GLG1: variants seen among roughly 807,000 people sequenced by gnomAD.
GLG1 encodes golgi glycoprotein 1.
GLG1 carries 38 observed loss-of-function variants against 160.5 expected under a neutral mutation model. The ratio of observed to expected loss-of-function variants is 0.24; its 90% CI spans 0.18 to 0.31. The LOEUF (loss-of-function observed/expected upper bound fraction) is 0.31. Ranked by LOEUF, GLG1 falls within the 10% of genes least tolerant of loss-of-function variation. The pLI is 1.00. For missense variants in GLG1, 1,373 were observed against 1,505.2 expected (o/e 0.91, Z 1.45); for synonymous variants, 644 against 543.4 (o/e 1.19, Z -2.57).
intron 1 of GLG1, among the ~76,000 whole-genome samples, chr16:74,551,240 G>T (rs2018189732): frequency 6.6e-6 from 1 of 152,122 alleles, no homozygotes; most frequent in African/African-American, 2.4e-5. Flanking sequence ...TTAGTCCTGA[G>T]CTGGCAAAAT....
intron 1 of GLG1, among the ~76,000 whole-genome samples, chr16:74,545,864 T>C (rs1019312076): frequency 6.6e-6 from 1 of 152,228 alleles, no homozygotes; most frequent in Non-Finnish European, 1.5e-5. Flanking sequence ...ATCAAACTCA[T>C]GTTGATTAAT....
intron 1 of GLG1, among the ~76,000 whole-genome samples, chr16:74,560,297 C>A (rs1022580819): frequency 6.7e-6 from 1 of 149,542 alleles, no homozygotes; most frequent in Non-Finnish European, 1.5e-5. Flanking sequence ...TTCCTCCTAA[C>A]TGCTTTGAAT....
intron 1 of GLG1, among the ~76,000 whole-genome samples, chr16:74,533,828 T>C (rs2017613094): frequency 6.6e-6 from 1 of 152,134 alleles, no homozygotes; most frequent in African/African-American, 2.4e-5. Context: ...TTCGAATCTG[T>C]TTATATAAAG....
At chr16:74,591,622 T>C (rs1341630347) in intron 1 of GLG1, among the ~76,000 whole-genome samples, 4 of 151,882 alleles carry the variant, frequency 2.6e-5, no homozygotes, top group African/African-American at 9.7e-5. Flanking sequence ...AGCAAGACTC[T>C]GTCTCGAAAA....
At chr16:74,584,042 G>A (rs1231672171) in intron 1 of GLG1, among the ~76,000 whole-genome samples, 1 of 152,066 alleles carries the variant, frequency 6.6e-6, no homozygotes, top group Non-Finnish European at 1.5e-5. Flanking sequence ...TCTGTTTTGA[G>A]GTCTCATTGT....
chr16:74,488,009 C>A (rs1260453112), intron 8 of GLG1, among the ~76,000 whole-genome samples: 1 of 152,122 alleles, frequency 6.6e-6, no homozygotes, highest in Non-Finnish European at 1.5e-5. Flanking sequence ...TATCTTTGGC[C>A]TAGGAGAGCC....
Position 74,588,272 on chromosome 16 carries a change from G to C in GLG1, c.438+18385C>G, listed in dbSNP as rs906929218. ...TTGTTGATGGATTTAAATAAAAATG[G>C]TAGGGGCATAAAAATATAAAAAAAA... is the stretch of plus-strand genomic sequence containing the variant. On this transcript the variant is annotated intron_variant, in intron 1 of 25. Transcript: ENST00000422840. Among the ~76,000 whole-genome samples, 4 of 152,216 alleles carry C rather than the reference G, an allele frequency of 2.6e-5. No homozygotes were observed. In the East Asian group the frequency reaches 7.7e-4, roughly 29 times the overall value.
At chr16:74,582,065 A>G (rs1230942883) in intron 1 of GLG1, among the ~76,000 whole-genome samples, 1 of 151,984 alleles carries the variant, frequency 6.6e-6, no homozygotes, top group Non-Finnish European at 1.5e-5. Context: ...CACCCTCTCT[A>G]CTGGTTCCCT....
chr16:74,599,211 G>A (rs1389637110), intron 1 of GLG1, among the ~76,000 whole-genome samples: 1 of 149,278 alleles, frequency 6.7e-6, no homozygotes, highest in Non-Finnish European at 1.5e-5. Context: ...TCCCATTTCT[G>A]GACTTTACTT....
intron 4 of GLG1, among the ~76,000 whole-genome samples, chr16:74,497,882 T>C (rs1376731912): frequency 1.3e-5 from 2 of 152,234 alleles, no homozygotes. Context: ...GTTGATGTTC[T>C]GGATTTATCT....
At chr16:74,589,936 CATAAATAA>C (rs953750104) in intron 1 of GLG1, among the ~76,000 whole-genome samples, 1 of 151,954 alleles carries the variant, frequency 6.6e-6, no homozygotes, top group African/African-American at 2.4e-5. Context: ...GATTCTGTTT[CATAAATAA>C]ATAAATAAAT....
chr16:74,596,915 G>C (rs1045930123), intron 1 of GLG1, among the ~76,000 whole-genome samples: 1 of 152,082 alleles, frequency 6.6e-6, no homozygotes, highest in Non-Finnish European at 1.5e-5. Flanking sequence ...TCAGGAGTTG[G>C]AGACCAGCCT....
At position 74,542,716 on chromosome 16, in the gene GLG1, G is replaced by GGGA. The variant is rs1567513828; in HGVS notation, c.439-10566_439-10564dup. ...AAGGAGGGAGGGAGGAAGGGAAGAA[G>GGGA]GGAAGGAAGGAAGGAAGGGAGGAAG... On this transcript the variant is annotated intron_variant, in intron 1 of 25. Transcript: ENST00000422840. Among the ~76,000 whole-genome samples, 294 of 29,746 alleles carry GGGA rather than the reference G, an allele frequency of 9.9e-3. 6 individuals carry two copies. The highest frequency in any genetic ancestry group is 0.024 in the Admixed American group (48 of 2,018). The allele number at this position is 29,746 out of a possible 152,430, so 19.5% of individuals were successfully genotyped here.
chr16:74,507,494 T>C lies in GLG1; in HGVS notation c.558+1345A>G, dbSNP rs1233104078. Among the ~76,000 whole-genome samples the C allele has an allele frequency of 3.3e-5, 5 of 152,144 alleles. No individual in the cohort carries two copies. The South Asian group carries it at 6.2e-4, about 19-fold the overall frequency. Reference sequence around the variant, plus strand: ...ACTCATGCCTGTAATCCCAGCACTTTGGGAGGTTGAGGTGGGTGGATCACA... The same window carrying C: ...ACTCATGCCTGTAATCCCAGCACTTCGGGAGGTTGAGGTGGGTGGATCACA... On this transcript the variant is annotated intron_variant, in intron 3 of 25. Coordinates refer to ENST00000422840, the MANE Select transcript of GLG1 (RefSeq NM_001145667.2).
At chr16:74,542,743 A>AAGGG (rs1597328831) in intron 1 of GLG1, among the ~76,000 whole-genome samples, 3 of 12,826 alleles carry the variant, frequency 2.3e-4, no homozygotes, top group Non-Finnish European at 7.6e-4. Context: ...GGGAGGAAGG[A>AAGGG]AGGAAGGAAG....
chr16:74,478,488 G>C (rs2015473306), intron 11 of GLG1, among the ~76,000 whole-genome samples: 1 of 152,212 alleles, frequency 6.6e-6, no homozygotes, highest in South Asian at 2.1e-4. Context: ...ACCTGGGGCA[G>C]GAGGGATGGA....
intron 1 of GLG1, among the ~76,000 whole-genome samples, chr16:74,569,095 A>C (rs763879252): frequency 2.0e-5 from 3 of 152,218 alleles, no homozygotes; most frequent in Non-Finnish European, 4.4e-5. Context: ...ATCTAATGAG[A>C]TAGTCCTCAC....
rs1276262206 is a variant in GLG1, at chr16:74,606,816, C to G, written c.279G>C (p.Pro93=). Residue 93 remains proline (P), a synonymous_variant, in exon 1 of 26, where the codon CCG becomes CCC. Coordinates refer to ENST00000422840, the MANE Select transcript of GLG1 (RefSeq NM_001145667.2). The part of the protein sequence containing the change: ...QQPQPPQPPF[P]AGGPPARRGG... The stretch of plus-strand genomic sequence containing the variant: ...CCCGCCGGGCCGGAGGCCCACCCGC[C>G]GGGAAAGGCGGCTGCGGCGGCTGAG... 6.2e-7 allele frequency: 1 copy of G among 1,602,268 alleles called. No individual in the cohort carries two copies. The highest frequency in any genetic ancestry group is 8.5e-7 in the Non-Finnish European group (1 of 1,174,686).
At chr16:74,497,350 T>C (rs944500319) in intron 4 of GLG1, among the ~76,000 whole-genome samples, 2 of 151,212 alleles carry the variant, frequency 1.3e-5, no homozygotes, top group African/African-American at 2.4e-5. Flanking sequence ...CTGGTCATAG[T>C]TCATGTCAAG....
Sources: gnomAD v4.1 joint callset for allele counts (sites outside exome capture counted in the v4.1 genomes callset) on GRCh38, gnomAD v4.1.1 for gene constraint, MANE v1.5 for transcripts, NCBI Gene and HGNC (gene_info 2026-07-23, HGNC 2026-07-21) for gene names.